Variants in FCHO2 observed in about 807,000 individuals in gnomAD.
FCHO2 encodes F-BAR domain only protein 2.
In FCHO2, 43 loss-of-function variants were observed where a neutral mutation model predicts 114.1. The ratio of observed to expected loss-of-function variants is 0.38; its 90% CI spans 0.30 to 0.49. FCHO2 has a LOEUF of 0.49. FCHO2 is among the 20% of genes least tolerant of loss of function. FCHO2 has a pLI of 0.97. For synonymous variants in FCHO2, 293 were observed against 315.2 expected, an observed-to-expected ratio of 0.93 and a Z score of 0.75; for missense variants, 807 against 950.4, an observed-to-expected ratio of 0.85 and a Z score of 1.98.
intron 3 of FCHO2, among the ~76,000 whole-genome samples, chr5:72,990,138 A>G (rs1202363645): frequency 2.0e-5 from 3 of 151,898 alleles, no homozygotes. Flanking sequence ...TTGAAGTTTG[A>G]TAATAGTTAA....
At chr5:73,024,721 G>A (rs1755824451) in intron 8 of FCHO2, among the ~76,000 whole-genome samples, 2 of 152,158 alleles carry the variant, frequency 1.3e-5, no homozygotes, top group African/African-American at 2.4e-5. Flanking sequence ...ACAGGTGTGA[G>A]CCACCGCCCG....
chr5:73,060,568 C>T (rs1580184530), intron 17 of FCHO2, among the ~76,000 whole-genome samples: 1 of 152,068 alleles, frequency 6.6e-6, no homozygotes, highest in East Asian at 1.9e-4. Flanking sequence ...GTCCCCCATT[C>T]TTTGCAATGC....
At chr5:73,073,374 C>G (rs1361918924) in intron 19 of FCHO2, among the ~76,000 whole-genome samples, 1 of 152,098 alleles carries the variant, frequency 6.6e-6, no homozygotes, top group Non-Finnish European at 1.5e-5. Flanking sequence ...GGATCATGAG[C>G]ACTTTTCCAG....
chr5:72,981,732 C>T (rs1580042387), intron 2 of FCHO2, among the ~76,000 whole-genome samples: 1 of 152,096 alleles, frequency 6.6e-6, no homozygotes, highest in Non-Finnish European at 1.5e-5. Context: ...TCCACTTGAT[C>T]GATTTGGCTA....
At chr5:73,055,262 C>G (rs1180383786) in intron 15 of FCHO2, among the ~76,000 whole-genome samples, 1 of 152,000 alleles carries the variant, frequency 6.6e-6, no homozygotes, top group Non-Finnish European at 1.5e-5. Flanking sequence ...GAGATGAGAG[C>G]AAAATGCAGA....
In FCHO2 at chr5:72,956,067, G is replaced by C; in HGVS notation, c.-30G>C. ...TGTTTACACAGCGGCGGGCGGGCGCGGACGCGGAACCCGGCGCGGCGGCGG... is the reference window on the plus strand; with the variant it reads ...TGTTTACACAGCGGCGGGCGGGCGCCGACGCGGAACCCGGCGCGGCGGCGG... On this transcript the variant is annotated 5_prime_UTR_variant, in exon 1 of 26. Coordinates refer to ENST00000430046, the MANE Select transcript of FCHO2 (RefSeq NM_138782.3). 6.5e-7 allele frequency: 1 copy of C among 1,539,496 alleles called. No homozygotes were observed. Among genetic ancestry groups the C allele is most frequent in the Non-Finnish European group, 8.8e-7 (1 of 1,142,160 alleles).
Position 73,074,739 on chromosome 5 carries a change from T to C in FCHO2, c.1580-3T>C. 6.2e-7 allele frequency: 1 copy of C among 1,610,274 alleles called. No homozygotes were observed. Among genetic ancestry groups the C allele is most frequent in the Non-Finnish European group, 8.5e-7 (1 of 1,177,900 alleles). ...TTTAACAAGTTAATTGTGTATATTC[T>C]AGGTGTGTCACGGGGTCCCAGCCCT... is the stretch of plus-strand genomic sequence containing the variant. On this transcript the variant is annotated splice_polypyrimidine_tract_variant and splice_region_variant and intron_variant, in intron 19 of 25. Transcript: ENST00000430046.
At chr5:73,006,635 G>T (rs1324631074) in intron 6 of FCHO2, 86 bp downstream of exon 6, 6 of 908,124 alleles carry the variant, frequency 6.6e-6, no homozygotes, top group East Asian at 6.4e-5. Flanking sequence ...ATTTTTTAGT[G>T]TTGGAAGTTT....
chr5:72,989,496 A>C lies in FCHO2; in HGVS notation c.195A>C (p.Gln65His), dbSNP rs578172606. ...CAAAATCTGCAAGCAATTATTCACA[A>C]CTTGGGTGAGTTAATTTCTTCCTCT... Reference protein sequence around the residue: ...KLAKSASNYSQLGTFAPVWDV... With the variant: ...KLAKSASNYSHLGTFAPVWDV... Residue 65 changes from glutamine (Q) to histidine (H), a missense_variant, in exon 3 of 26, where the codon CAA becomes CAC. Coordinates refer to ENST00000430046, the MANE Select transcript of FCHO2 (RefSeq NM_138782.3). 3.3e-5 allele frequency: 52 copies of C among 1,599,590 alleles called. No homozygotes were observed. In the East Asian group the frequency reaches 6.1e-4, roughly 19 times the overall value.
At chr5:73,074,194 T>A (rs1193446300) in intron 19 of FCHO2, among the ~76,000 whole-genome samples, 7 of 151,754 alleles carry the variant, frequency 4.6e-5, no homozygotes, top group Admixed American at 2.0e-4. Flanking sequence ...TTTTTTTTTT[T>A]AAATAATGTT....
At chr5:73,083,789 G>T (rs1393541382) in intron 24 of FCHO2, among the ~76,000 whole-genome samples, 1 of 151,156 alleles carries the variant, frequency 6.6e-6, no homozygotes, top group East Asian at 2.0e-4. Flanking sequence ...CTATTCAGGG[G>T]ACTTAAGCAT....
chr5:72,956,733 G>T (rs540111863), intron 1 of FCHO2, among the ~76,000 whole-genome samples: 22 of 152,268 alleles, frequency 1.4e-4, no homozygotes, highest in Middle Eastern at 3.4e-3. Context: ...TTAAAAGTTG[G>T]ATTTAATGTA....
rs1274031335 is a variant in FCHO2, at chr5:72,990,874, A to T, written c.495+10A>T. 1.3e-6 allele frequency: 2 copies of T among 1,533,326 alleles called. No individual in the cohort carries two copies. The highest frequency in any genetic ancestry group is 1.8e-6 in the Non-Finnish European group (2 of 1,141,104). The allele number at this position is 1,533,326 out of a possible 1,614,324, so 95.0% of individuals were successfully genotyped here. A position where few individuals can be genotyped will look rare whatever the true frequency, so the allele number is the denominator to read the frequency against. On this transcript the variant is annotated intron_variant, in intron 5 of 25. Coordinates refer to ENST00000430046, the MANE Select transcript of FCHO2 (RefSeq NM_138782.3). ...AAGAGAAATAGAAAAGGTAATCATA[A>T]TAAAAATTACATATCTGTGGTTTCA...
At chr5:72,996,513 T>C (rs1156912864) in intron 5 of FCHO2, among the ~76,000 whole-genome samples, 1 of 152,060 alleles carries the variant, frequency 6.6e-6, no homozygotes, top group East Asian at 1.9e-4. Context: ...AAAAAAGCTA[T>C]TGACTCTCTG....
intron 8 of FCHO2, among the ~76,000 whole-genome samples, chr5:73,019,309 G>A (rs948097916): frequency 3.3e-5 from 5 of 152,154 alleles, no homozygotes; most frequent in African/African-American, 1.2e-4. Context: ...ACTTTGGGAC[G>A]CTGAGGCAGG....
chr5:72,987,343 A>G (rs968741935), intron 2 of FCHO2, among the ~76,000 whole-genome samples: 10 of 151,240 alleles, frequency 6.6e-5, no homozygotes, highest in Non-Finnish European at 1.5e-4. Context: ...TTGTTTGTTT[A>G]TTTATTTATT....
chr5:72,975,395 A>G (rs902612633), intron 2 of FCHO2, among the ~76,000 whole-genome samples: 37 of 151,916 alleles, frequency 2.4e-4, no homozygotes, highest in African/African-American at 8.2e-4. Flanking sequence ...GGCTCAGTCA[A>G]TGCTCACTGT....
chr5:72,995,736 TAA>T (rs1041116258), intron 5 of FCHO2, among the ~76,000 whole-genome samples: 1 of 152,084 alleles, frequency 6.6e-6, no homozygotes, highest in African/African-American at 2.4e-5. Context: ...TTGCTCCTTA[TAA>T]AGCTGTCAGT....
intron 2 of FCHO2, among the ~76,000 whole-genome samples, chr5:72,971,580 C>A (rs1202578127): frequency 6.6e-6 from 1 of 151,988 alleles, no homozygotes; most frequent in African/African-American, 2.4e-5. Flanking sequence ...TGTTTGAGTT[C>A]ATTGTAGATT....
Sources: allele counts gnomAD v4.1 joint callset (sites outside exome capture counted in the v4.1 genomes callset), GRCh38; gene constraint gnomAD v4.1.1; transcripts MANE v1.5; gene names NCBI Gene and HGNC (gene_info 2026-07-23, HGNC 2026-07-21).